Variants in PLD5 observed in about 807,000 individuals in gnomAD.
PLD5 encodes phospholipase D family member 5.
PLD5 carries 36 observed loss-of-function variants against 61.1 expected under a neutral mutation model. That is an observed-to-expected ratio of 0.59 (90% confidence interval 0.45 to 0.78). The LOEUF is 0.78. Ranked by LOEUF, PLD5 falls within the 30% of genes least tolerant of loss-of-function variation. PLD5 has a pLI of 0.00. For synonymous variants in PLD5, 243 were observed against 242.8 expected (o/e 1.00, Z -0.01); for missense variants, 515 against 644.4 (o/e 0.80, Z 2.17).
intron 1 of PLD5, among the ~76,000 whole-genome samples, chr1:242,462,807 T>G (rs900143500): frequency 2.0e-5 from 3 of 152,098 alleles, no homozygotes; most frequent in African/African-American, 4.8e-5. Flanking sequence ...CAAAAGAAGT[T>G]CCTGTTGTCA....
At chr1:242,443,723 G>A (rs919130548) in intron 1 of PLD5, among the ~76,000 whole-genome samples, 1 of 152,146 alleles carries the variant, frequency 6.6e-6, no homozygotes, top group African/African-American at 2.4e-5. Context: ...ATTTATAGGA[G>A]GGCATTTAAA....
At chr1:242,311,759 A>C (rs1197716626) in intron 2 of PLD5, among the ~76,000 whole-genome samples, 1 of 151,220 alleles carries the variant, frequency 6.6e-6, no homozygotes, top group Non-Finnish European at 1.5e-5. Flanking sequence ...TCTTTCCTCA[A>C]ATTGGGGGTA....
intron 1 of PLD5, among the ~76,000 whole-genome samples, chr1:242,384,702 C>G (rs1184821737): frequency 6.6e-6 from 1 of 152,162 alleles, no homozygotes; most frequent in African/African-American, 2.4e-5. Flanking sequence ...GTTTGGATAG[C>G]CAGTTCTCTT....
At chr1:242,091,832 C>CTTTTTTTT (rs750237371) in intron 9 of PLD5, among the ~76,000 whole-genome samples, 4 of 123,424 alleles carry the variant, frequency 3.2e-5, no homozygotes, top group Non-Finnish European at 3.5e-5. Flanking sequence ...TTCTTTTTTT[C>CTTTTTTTT]TTTTTTTTTT....
chr1:242,170,782 C>G (rs527609184), intron 5 of PLD5, among the ~76,000 whole-genome samples: 2 of 151,638 alleles, frequency 1.3e-5, no homozygotes, highest in East Asian at 3.9e-4. Context: ...GTAGCCAAAT[C>G]GATCAAGGGG....
intron 4 of PLD5, among the ~76,000 whole-genome samples, chr1:242,244,098 C>T (rs141890460): frequency 1.9e-3 from 291 of 152,210 alleles, no homozygotes; most frequent in African/African-American, 6.7e-3. Context: ...CATATATGCA[C>T]GTATTACCTG....
intron 1 of PLD5, among the ~76,000 whole-genome samples, chr1:242,491,970 C>T (rs1668167684): frequency 6.6e-6 from 1 of 152,196 alleles, no homozygotes; most frequent in African/African-American, 2.4e-5. Context: ...TTATCACAGG[C>T]TTGAAATTCA....
At chr1:242,205,300 C>T (rs1448610977) in intron 5 of PLD5, among the ~76,000 whole-genome samples, 1 of 152,080 alleles carries the variant, frequency 6.6e-6, no homozygotes, top group Non-Finnish European at 1.5e-5. Flanking sequence ...TTTGAGACTG[C>T]CACAGACAAT....
chr1:242,145,170 G>T (rs2840607), intron 5 of PLD5, among the ~76,000 whole-genome samples: 1 of 151,372 alleles, frequency 6.6e-6, no homozygotes, highest in Admixed American at 6.6e-5. Flanking sequence ...ACCCTCAGCC[G>T]CTATGCTCTG....
At position 242,390,788 on chromosome 1, in the gene PLD5, A is replaced by G. The variant is rs115924564; in HGVS notation, c.190-42546T>C. ...CAGGAAGACTATGTTCTTCCTAACA[A>G]GAGACAATCTCAATTCTTCATGTTA... On this transcript the variant is annotated intron_variant, in intron 1 of 9. Transcript: ENST00000536534. 9.3e-3 allele frequency among the ~76,000 whole-genome samples: 1,420 copies of G among 152,274 alleles called. 27 individuals carry two copies. Among genetic ancestry groups the G allele is most frequent in the African/African-American group, 0.033 (1,371 of 41,550 alleles).
intron 1 of PLD5, among the ~76,000 whole-genome samples, chr1:242,516,626 C>T (rs1207001563): frequency 6.6e-6 from 1 of 152,152 alleles, no homozygotes; most frequent in Non-Finnish European, 1.5e-5. Flanking sequence ...TGTCATAAAT[C>T]AAGTATCTAT....
intron 1 of PLD5, among the ~76,000 whole-genome samples, chr1:242,373,042 C>T (rs1427124200): frequency 2.0e-5 from 3 of 152,198 alleles, no homozygotes; most frequent in Non-Finnish European, 4.4e-5. Context: ...GCAATCTACT[C>T]ATCGGACAAA....
At chr1:242,374,789 A>G (rs1661851063) in intron 1 of PLD5, among the ~76,000 whole-genome samples, 1 of 152,214 alleles carries the variant, frequency 6.6e-6, no homozygotes, top group Non-Finnish European at 1.5e-5. Context: ...TTATATTTCT[A>G]CACACTGTTC....
intron 5 of PLD5, among the ~76,000 whole-genome samples, chr1:242,193,243 A>G (rs1160062585): frequency 6.6e-6 from 1 of 152,262 alleles, no homozygotes; most frequent in Non-Finnish European, 1.5e-5. Flanking sequence ...TGCTATAGAT[A>G]AAATGAGTAA....
intron 1 of PLD5, among the ~76,000 whole-genome samples, chr1:242,394,780 GTATA>G (rs1370741355): frequency 1.5e-5 from 1 of 68,398 alleles, no homozygotes; most frequent in Non-Finnish European, 2.8e-5. Context: ...ATATATATGT[GTATA>G]TATGTGAATA....
At chr1:242,190,222 C>T (rs1158614384) in intron 5 of PLD5, among the ~76,000 whole-genome samples, 4 of 146,300 alleles carry the variant, frequency 2.7e-5, no homozygotes, top group Non-Finnish European at 6.0e-5. Flanking sequence ...CTCTGCTCAC[C>T]GCAAGCTCTG....
intron 2 of PLD5, among the ~76,000 whole-genome samples, chr1:242,298,957 G>C (rs1351966597): frequency 6.6e-6 from 1 of 151,766 alleles, no homozygotes; most frequent in African/African-American, 2.4e-5. Context: ...AAGGAGCAGG[G>C]ACCTCATTAA....
intron 1 of PLD5, among the ~76,000 whole-genome samples, chr1:242,465,357 G>A (rs1667242734): frequency 1.3e-5 from 2 of 152,086 alleles, no homozygotes; most frequent in South Asian, 4.2e-4. Flanking sequence ...ACTCCTAATT[G>A]GTCTCCTTTA....
At position 242,394,841 on chromosome 1, in the gene PLD5, T is replaced by C. The variant is rs1258549242; in HGVS notation, c.190-46599A>G. Reference sequence around the variant, plus strand: ...ATATATACATATATGTGAATATATATACATATGTGAATATATATGTATATA... The same window carrying C: ...ATATATACATATATGTGAATATATACACATATGTGAATATATATGTATATA... On this transcript the variant is annotated intron_variant, in intron 1 of 9. Coordinates refer to ENST00000536534, the MANE Select transcript of PLD5 (RefSeq NM_001372062.1). Among the ~76,000 whole-genome samples, 4 of 134,060 alleles carry C rather than the reference T, an allele frequency of 3.0e-5. 2 individuals carry two copies. The highest frequency in any genetic ancestry group is 6.1e-5 in the Non-Finnish European group (4 of 65,190). The allele number at this position is 134,060 out of a possible 152,430, so 87.9% of individuals were successfully genotyped here.
Sources: allele counts gnomAD v4.1 joint callset (sites outside exome capture counted in the v4.1 genomes callset), GRCh38; gene constraint gnomAD v4.1.1; transcripts MANE v1.5; gene names NCBI Gene and HGNC (gene_info 2026-07-23, HGNC 2026-07-21).